The following MCTP1 variants were observed in gnomAD, a reference collection of about 807,000 sequenced individuals.
MCTP1 encodes multiple C2 and transmembrane domain containing 1, also known as multiple C2 and transmembrane domain-containing protein 1.
In MCTP1, 69 loss-of-function variants were observed where a neutral mutation model predicts 120.6. That is an observed-to-expected ratio of 0.57 (90% CI 0.47 to 0.70). The LOEUF is 0.70. Among genes scored for constraint, MCTP1 ranks in the 30% least tolerant of loss-of-function variants. The pLI is 0.00. For missense variants in MCTP1, 1,203 were observed against 1,248.8 expected, an observed-to-expected ratio of 0.96 and a Z score of 0.55; for synonymous variants, 529 against 493.1, an observed-to-expected ratio of 1.07 and a Z score of -0.96.
chr5:94,977,065 A>G (rs755187833), intron 2 of MCTP1, among the ~76,000 whole-genome samples: 3 of 152,106 alleles, frequency 2.0e-5, no homozygotes, highest in Admixed American at 1.3e-4. Flanking sequence ...CATCTTACAC[A>G]TAAAAAACAG....
chr5:95,246,581 G>T (rs1033493697), intron 1 of MCTP1, among the ~76,000 whole-genome samples: 1 of 152,078 alleles, frequency 6.6e-6, no homozygotes, highest in African/African-American at 2.4e-5. Flanking sequence ...CTACATAATG[G>T]TAAAGAGATC....
At chr5:94,994,034 C>T (rs566082111) in intron 2 of MCTP1, among the ~76,000 whole-genome samples, 3 of 152,146 alleles carry the variant, frequency 2.0e-5, no homozygotes, top group Non-Finnish European at 2.9e-5. Context: ...CACAAGAACA[C>T]GCAAGATTCT....
In MCTP1 at chr5:95,014,031, G is replaced by C. The variant is rs180834158; in HGVS notation, c.838+3336C>G. 4.0e-5 allele frequency among the ~76,000 whole-genome samples: 6 copies of C among 151,872 alleles called. No individual in the cohort carries two copies. In the East Asian group the frequency reaches 9.7e-4, roughly 25 times the overall value. On this transcript the variant is annotated intron_variant, in intron 2 of 22. Coordinates refer to ENST00000515393, the MANE Select transcript of MCTP1 (RefSeq NM_024717.7). ...TCCTCAGCAACTTGGGAGTCCAAAG[G>C]GGGAAGATCACTTGAAACCAGGAGT...
chr5:95,003,390 T>C (rs1834096257), intron 2 of MCTP1, among the ~76,000 whole-genome samples: 2 of 152,228 alleles, frequency 1.3e-5, no homozygotes, highest in South Asian at 4.1e-4. Flanking sequence ...CAATGGGCTA[T>C]AGCATATAGC....
chr5:94,705,470 G>T lies in MCTP1; in HGVS notation c.*2026C>A, dbSNP rs1180320936. ...TCTCCAAGTGACATATAGTTTTTAAGAATATGCACACAATCCCTCATCAAT... is the reference window on the plus strand; with the variant it reads ...TCTCCAAGTGACATATAGTTTTTAATAATATGCACACAATCCCTCATCAAT... On this transcript the variant is annotated 3_prime_UTR_variant, in exon 23 of 23. Coordinates refer to ENST00000515393, the MANE Select transcript of MCTP1 (RefSeq NM_024717.7). 1 of 125,018 alleles carries T rather than the reference G, an allele frequency of 8.0e-6. No individual in the cohort carries two copies. Among genetic ancestry groups the T allele is most frequent in the Non-Finnish European group, 1.7e-5 (1 of 59,860 alleles). 7.7% of individuals were successfully genotyped at this position (125,018 alleles called of 1,614,324 possible).
chr5:95,198,012 T>C (rs1269165170), intron 1 of MCTP1, among the ~76,000 whole-genome samples: 2 of 152,134 alleles, frequency 1.3e-5, no homozygotes, highest in Non-Finnish European at 2.9e-5. Context: ...TCTGTACGTG[T>C]TTAGTACAGA....
At chr5:95,198,699 G>A (rs1427225233) in intron 1 of MCTP1, among the ~76,000 whole-genome samples, 3 of 152,004 alleles carry the variant, frequency 2.0e-5, no homozygotes, top group South Asian at 2.1e-4. Flanking sequence ...TTAATTTCAC[G>A]GGTCTCCAAG....
intron 1 of MCTP1, among the ~76,000 whole-genome samples, chr5:95,192,175 TA>T (rs1749896558): frequency 6.6e-6 from 1 of 152,080 alleles, no homozygotes. Flanking sequence ...TTAAGCAAAG[TA>T]ATTAAAAATA....
chr5:94,861,864 T>C (rs1286416337), intron 17 of MCTP1, among the ~76,000 whole-genome samples: 2 of 151,860 alleles, frequency 1.3e-5, no homozygotes, highest in Non-Finnish European at 2.9e-5. Flanking sequence ...TCTGGGGGGC[T>C]GAAACTACCA....
chr5:95,247,479 T>C (rs1756928867), intron 1 of MCTP1, among the ~76,000 whole-genome samples: 1 of 152,204 alleles, frequency 6.6e-6, no homozygotes, highest in Admixed American at 6.5e-5. Context: ...TTAATTGTGA[T>C]GTTAGGGTGT....
At chr5:94,862,210 C>T (rs1411464920) in intron 17 of MCTP1, among the ~76,000 whole-genome samples, 1 of 148,570 alleles carries the variant, frequency 6.7e-6, no homozygotes, top group Non-Finnish European at 1.5e-5. Flanking sequence ...GAGCAGCGAT[C>T]ATAGGAAACA....
In MCTP1 at chr5:95,022,649, G is replaced by A. The variant is rs573230630; in HGVS notation, c.721-5165C>T. ...CAATGGGAATCTAAATAAAGTTGGC[G>A]AATCCATGGGCAGTTTGTTCTCTCT... On this transcript the variant is annotated intron_variant, in intron 1 of 22. Transcript: ENST00000515393. Among the ~76,000 whole-genome samples, 512 of 152,226 alleles carry A rather than the reference G, an allele frequency of 3.4e-3. 3 individuals are homozygous for A. Among genetic ancestry groups the A allele is most frequent in the African/African-American group, 0.012 (494 of 41,542 alleles).
chr5:95,066,221 T>C (rs1188240710), intron 1 of MCTP1, among the ~76,000 whole-genome samples: 12 of 152,072 alleles, frequency 7.9e-5, no homozygotes, highest in African/African-American at 2.2e-4. Flanking sequence ...TGAAAAGACA[T>C]AGAAATGATC....
chr5:95,026,379 C>T (rs1202377808), intron 1 of MCTP1, among the ~76,000 whole-genome samples: 6 of 151,940 alleles, frequency 3.9e-5, no homozygotes, highest in Non-Finnish European at 8.8e-5. Context: ...CTGGCAAATT[C>T]TAGATCTTAT....
chr5:95,180,594 G>A (rs1030396598), intron 1 of MCTP1, among the ~76,000 whole-genome samples: 4 of 151,798 alleles, frequency 2.6e-5, no homozygotes, highest in Admixed American at 1.3e-4. Flanking sequence ...TCTACAGTTC[G>A]GGGCACTACC....
At chr5:95,265,836 T>C (rs1195322184) in intron 1 of MCTP1, among the ~76,000 whole-genome samples, 1 of 152,170 alleles carries the variant, frequency 6.6e-6, no homozygotes, top group Non-Finnish European at 1.5e-5. Context: ...AGATTTTCAA[T>C]TCCTTATGTG....
rs974161481 is a variant in MCTP1 at position 95,206,583 on chromosome 5, G to A, written c.720+77273C>T. ...CGGAGTCTCACTCTGTCACCAGGCTGGAGTGCAGTGGCATGATCTCGGCTC... is the reference window on the plus strand; with the variant it reads ...CGGAGTCTCACTCTGTCACCAGGCTAGAGTGCAGTGGCATGATCTCGGCTC... On this transcript the variant is annotated intron_variant, in intron 1 of 22. Coordinates refer to ENST00000515393, the MANE Select transcript of MCTP1 (RefSeq NM_024717.7). Among the ~76,000 whole-genome samples, 12 of 152,176 alleles carry A rather than the reference G, an allele frequency of 7.9e-5. No homozygotes were observed. In the East Asian group the frequency reaches 2.3e-3, roughly 29 times the overall value.
intron 1 of MCTP1, among the ~76,000 whole-genome samples, chr5:95,176,512 G>A (rs905654765): frequency 6.6e-6 from 1 of 152,130 alleles, no homozygotes; most frequent in Non-Finnish European, 1.5e-5. Context: ...GCGACAAAGT[G>A]AGACTCTGTT....
At chr5:94,725,704 G>A (rs746688407) in intron 19 of MCTP1, among the ~76,000 whole-genome samples, 4 of 152,058 alleles carry the variant, frequency 2.6e-5, no homozygotes, top group African/African-American at 4.8e-5. Context: ...TGCTAAGTAT[G>A]GTTCAAATGC....
Sources: gnomAD v4.1 joint callset for allele counts (sites outside exome capture counted in the v4.1 genomes callset) on GRCh38, gnomAD v4.1.1 for gene constraint, MANE v1.5 for transcripts, NCBI Gene and HGNC (gene_info 2026-07-23, HGNC 2026-07-21) for gene names.